NT5DC1: variants seen among roughly 807,000 people sequenced by gnomAD.
NT5DC1 encodes 5'-nucleotidase domain containing 1, also known as 5'-nucleotidase domain-containing protein 1.
In NT5DC1, 42 loss-of-function variants were observed where a neutral mutation model predicts 59.4. The observed-to-expected ratio is 0.71, with a 90% CI of 0.55 to 0.92. The LOEUF (loss-of-function observed/expected upper bound fraction) is 0.92, where lower values mean the gene tolerates loss of function less well. NT5DC1 is among the 40% of genes least tolerant of loss of function. The pLI, the probability that NT5DC1 is intolerant of heterozygous loss-of-function variation, is 0.00. For synonymous variants in NT5DC1, 172 were observed against 188.1 expected (o/e 0.91, Z 0.70); for missense variants, 501 against 537.1 (o/e 0.93, Z 0.66).
At chr6:116,217,975 T>C (rs1781719105) in intron 6 of NT5DC1, among the ~76,000 whole-genome samples, 3 of 152,198 alleles carry the variant, frequency 2.0e-5, no homozygotes. Flanking sequence ...ATTTTCTCCA[T>C]GACAGTGATC....
intron 6 of NT5DC1, among the ~76,000 whole-genome samples, chr6:116,215,308 A>T (rs188487557): frequency 9.0e-4 from 137 of 152,300 alleles, no homozygotes; most frequent in African/African-American, 3.2e-3. Flanking sequence ...ATTGCAAAAC[A>T]TGGTCTCCAA....
At chr6:116,165,315 G>C (rs541040986) in intron 6 of NT5DC1, among the ~76,000 whole-genome samples, 1 of 152,048 alleles carries the variant, frequency 6.6e-6, no homozygotes, top group East Asian at 1.9e-4. Context: ...ATATACCTTG[G>C]TGATGTTCAC....
In NT5DC1 at chr6:116,141,926, A is replaced by T. The variant is rs73772276; in HGVS notation, c.529+23981A>T. On this transcript the variant is annotated intron_variant, in intron 6 of 11. Transcript: ENST00000319550. ...CACACACACACACACACACACACAC[A>T]CTGTAAATGTGAGATGTTCCTAGTC... 2.3e-3 allele frequency among the ~76,000 whole-genome samples: 340 copies of T among 148,924 alleles called. 1 individual carries two copies. The highest frequency in any genetic ancestry group is 7.7e-3 in the African/African-American group (312 of 40,380).
chr6:116,141,843 C>T (rs967492192), intron 6 of NT5DC1, among the ~76,000 whole-genome samples: 1 of 146,068 alleles, frequency 6.8e-6, no homozygotes, highest in African/African-American at 2.6e-5. Flanking sequence ...AAAATCCTTA[C>T]ATAGAGTCTT....
At chr6:116,143,271 C>T (rs993264005) in intron 6 of NT5DC1, among the ~76,000 whole-genome samples, 2 of 152,000 alleles carry the variant, frequency 1.3e-5, no homozygotes, top group Non-Finnish European at 2.9e-5. Context: ...AGTGCAGTGG[C>T]GCGATTTTGG....
chr6:116,173,815 A>G (rs764749683), intron 6 of NT5DC1, among the ~76,000 whole-genome samples: 1 of 152,176 alleles, frequency 6.6e-6, no homozygotes, highest in Non-Finnish European at 1.5e-5. Flanking sequence ...CCTTTGTCAC[A>G]TCTAAGAAAC....
chr6:116,121,942 C>G, intron 6 of NT5DC1: 1 of 1,613,078 alleles, frequency 6.2e-7, no homozygotes, highest in Non-Finnish European at 8.5e-7. Flanking sequence ...GAGTACCTTG[C>G]TCTCCTCTTA....
intron 6 of NT5DC1, chr6:116,120,821 A>G (rs1431561256): frequency 6.2e-7 from 1 of 1,613,872 alleles, no homozygotes; most frequent in Non-Finnish European, 8.5e-7. Flanking sequence ...GTGTCCGGGC[A>G]TTCCCTTTGC....
intron 6 of NT5DC1, among the ~76,000 whole-genome samples, chr6:116,204,659 A>G (rs1170766513): frequency 6.6e-6 from 1 of 152,026 alleles, no homozygotes; most frequent in East Asian, 1.9e-4. Context: ...GGACTCAGAT[A>G]CAATGTTGTT....
At chr6:116,135,866 T>TAC (rs1216907731) in intron 6 of NT5DC1, among the ~76,000 whole-genome samples, 6 of 109,348 alleles carry the variant, frequency 5.5e-5, no homozygotes, top group African/African-American at 2.1e-4. Context: ...TATATATATA[T>TAC]ATATATACAC....
chr6:116,178,237 A>G (rs990999500), intron 6 of NT5DC1, among the ~76,000 whole-genome samples: 4 of 152,030 alleles, frequency 2.6e-5, no homozygotes, highest in African/African-American at 7.2e-5. Context: ...GATCATACCT[A>G]GGGGACCTCT....
intron 6 of NT5DC1, among the ~76,000 whole-genome samples, chr6:116,171,656 A>T (rs776778867): frequency 6.6e-6 from 1 of 152,192 alleles, no homozygotes; most frequent in Non-Finnish European, 1.5e-5. Context: ...TCTCTTTGGT[A>T]TCCCCTATAC....
chr6:116,142,916 C>A (rs948748304), intron 6 of NT5DC1, among the ~76,000 whole-genome samples: 4 of 152,068 alleles, frequency 2.6e-5, no homozygotes, highest in African/African-American at 9.7e-5. Context: ...CAAACAAATT[C>A]CAAAGCAAAA....
At chr6:116,178,098 C>CAT (rs1780786951) in intron 6 of NT5DC1, among the ~76,000 whole-genome samples, 2 of 93,418 alleles carry the variant, frequency 2.1e-5, no homozygotes, top group African/African-American at 1.1e-4. Flanking sequence ...TGCGCGCGCG[C>CAT]GCGCGTGCGT....
At chr6:116,195,042 C>A (rs972899950) in intron 6 of NT5DC1, among the ~76,000 whole-genome samples, 1 of 152,058 alleles carries the variant, frequency 6.6e-6, no homozygotes, top group African/African-American at 2.4e-5. Flanking sequence ...ACCGCTCTCT[C>A]TATATTCTGC....
chr6:116,108,996 T>C lies in NT5DC1; in HGVS notation c.257+561T>C, dbSNP rs377683167. 6.6e-4 allele frequency among the ~76,000 whole-genome samples: 100 copies of C among 152,272 alleles called. 1 individual carries two copies. The South Asian group carries it at 0.02, about 31-fold the overall frequency. On this transcript the variant is annotated intron_variant, in intron 3 of 11. Transcript: ENST00000319550. ...TCCAGGCTGACTTTCTTTACTTCTC[T>C]CCTCTCTGAGTGGGCCCAGCCTCTC...
At chr6:116,161,773 G>A (rs1362831667) in intron 6 of NT5DC1, among the ~76,000 whole-genome samples, 1 of 152,070 alleles carries the variant, frequency 6.6e-6, no homozygotes, top group Non-Finnish European at 1.5e-5. Context: ...ATATAACATT[G>A]GTAATTTGAT....
At chr6:116,127,219 GA>G (rs1286257201) in intron 6 of NT5DC1, among the ~76,000 whole-genome samples, 1 of 152,104 alleles carries the variant, frequency 6.6e-6, no homozygotes, top group Non-Finnish European at 1.5e-5. Flanking sequence ...TTGAAAGTTT[GA>G]CCAGTGAATG....
chr6:116,243,783 G>A (rs1771783149), intron 11 of NT5DC1, 126 bp from the exon 12 acceptor site: 1 of 532,150 alleles, frequency 1.9e-6, no homozygotes, highest in African/African-American at 1.9e-5. Flanking sequence ...CCTACTGAAG[G>A]AGCAAAAGAA....
Sources: allele counts gnomAD v4.1 joint callset (sites outside exome capture counted in the v4.1 genomes callset), GRCh38; gene constraint gnomAD v4.1.1; transcripts MANE v1.5; gene names NCBI Gene and HGNC (gene_info 2026-07-23, HGNC 2026-07-21).